The following FAR2 variants were observed in gnomAD, a reference collection of about 807,000 sequenced individuals.
The protein encoded by FAR2 is epididymis secretory protein Li 81.
FAR2 carries 19 observed loss-of-function variants against 56.0 expected under a neutral mutation model. The ratio of observed to expected loss-of-function variants is 0.34; its 90% CI spans 0.24 to 0.50. The LOEUF is 0.50. FAR2 is among the 20% of genes least tolerant of loss of function. The pLI, the probability that FAR2 is intolerant of heterozygous loss-of-function variation, is 0.98. For synonymous variants in FAR2, 219 were observed against 218.8 expected, an observed-to-expected ratio of 1.00 and a Z score of -0.01; for missense variants, 508 against 642.2, an observed-to-expected ratio of 0.79 and a Z score of 2.26.
intron 11 of FAR2, 78 bp downstream of exon 11, chr12:29,332,805 G>T: frequency 7.4e-7 from 1 of 1,348,960 alleles, no homozygotes; most frequent in Non-Finnish European, 1.0e-6. Flanking sequence ...CATTTGTGCA[G>T]AGGAGAATGA....
At chr12:29,296,340 T>C (rs1298297110) in intron 3 of FAR2, among the ~76,000 whole-genome samples, 1 of 152,226 alleles carries the variant, frequency 6.6e-6, no homozygotes, top group Non-Finnish European at 1.5e-5. Context: ...TCACCAGTTC[T>C]AGTGAATTTG....
chr12:29,283,699 A>T (rs75554254), intron 2 of FAR2, among the ~76,000 whole-genome samples: 1,644 of 152,282 alleles, frequency 0.011, 25 homozygotes, highest in African/African-American at 0.038. Context: ...CTGCTAGGTA[A>T]ATTTCGCACA....
At chr12:29,190,185 G>A (rs898844580) in intron 1 of FAR2, among the ~76,000 whole-genome samples, 4 of 152,096 alleles carry the variant, frequency 2.6e-5, no homozygotes, top group Admixed American at 1.3e-4. Flanking sequence ...TCAAATGAGC[G>A]GGCACACCTA....
At chr12:29,232,389 T>G (rs1024403487) in intron 1 of FAR2, among the ~76,000 whole-genome samples, 1 of 152,170 alleles carries the variant, frequency 6.6e-6, no homozygotes, top group Middle Eastern at 3.2e-3. Context: ...TTCATGTTCT[T>G]TTTTAATTTT....
chr12:29,156,030 C>T (rs549550363), intron 1 of FAR2, among the ~76,000 whole-genome samples: 55 of 151,904 alleles, frequency 3.6e-4, no homozygotes, highest in African/African-American at 1.3e-3. Flanking sequence ...ATATTGAACT[C>T]ATAAATAAAA....
rs138449969 is a variant in FAR2 at position 29,195,117 on chromosome 12, T to C, written c.-39+45710T>C. 1.4e-3 allele frequency among the ~76,000 whole-genome samples: 220 copies of C among 152,358 alleles called. 1 individual carries two copies. In the South Asian group the frequency reaches 0.021, roughly 15 times the overall value. On this transcript the variant is annotated intron_variant, in intron 1 of 11. Transcript: ENST00000536681. ...AATTCTTGCTATTTACTTCTGTTTA[T>C]ACATTTTTCTTCAAAACATTATTTG...
intron 1 of FAR2, among the ~76,000 whole-genome samples, chr12:29,201,008 G>T (rs1230367163): frequency 6.6e-6 from 1 of 152,078 alleles, no homozygotes; most frequent in Non-Finnish European, 1.5e-5. Context: ...ACCAGGTCAG[G>T]GGTCTGCAAG....
chr12:29,194,526 C>T (rs1209176059), intron 1 of FAR2, among the ~76,000 whole-genome samples: 1 of 143,604 alleles, frequency 7.0e-6, no homozygotes, highest in East Asian at 2.1e-4. Context: ...TGATGCCACA[C>T]ACACACACAC....
chr12:29,327,838 G>A (rs1217753319), intron 10 of FAR2, among the ~76,000 whole-genome samples: 3 of 152,018 alleles, frequency 2.0e-5, no homozygotes, highest in African/African-American at 7.3e-5. Context: ...CAGGACACAG[G>A]CATGGGGAAG....
intron 1 of FAR2, among the ~76,000 whole-genome samples, chr12:29,192,202 G>C (rs1477556506): frequency 6.6e-6 from 1 of 152,200 alleles, no homozygotes; most frequent in Non-Finnish European, 1.5e-5. Flanking sequence ...GCACACCACA[G>C]TGAATAATTC....
intron 1 of FAR2, among the ~76,000 whole-genome samples, chr12:29,179,342 G>A (rs1031517421): frequency 3.3e-5 from 5 of 152,158 alleles, no homozygotes; most frequent in African/African-American, 1.2e-4. Context: ...ATATGTAGCA[G>A]GCTTCTCCTG....
At chr12:29,156,186 C>T (rs892784900) in intron 1 of FAR2, among the ~76,000 whole-genome samples, 44 of 151,842 alleles carry the variant, frequency 2.9e-4, no homozygotes, top group Admixed American at 2.7e-3. Context: ...TACTGCACAG[C>T]GGAATGACTA....
chr12:29,307,774 A>G lies in FAR2; in HGVS notation c.662A>G (p.Asn221Ser), dbSNP rs1182708670. ...GEMVVQQESR[N>S]LNIAIIRPSI... ...ATGGTGGTGCAGCAAGAGAGCAGGAACCTGAACATTGCCATCATAAGGCCC... is the reference window on the plus strand; with the variant it reads ...ATGGTGGTGCAGCAAGAGAGCAGGAGCCTGAACATTGCCATCATAAGGCCC... Residue 221 changes from asparagine (N) to serine (S), a missense_variant, in exon 5 of 12, where the codon AAC becomes AGC. Physicochemically the swap from Asn to Ser is conservative, Grantham distance 46. Transcript: ENST00000536681. 6.2e-7 allele frequency: 1 copy of G among 1,613,116 alleles called. No individual in the cohort carries two copies. The highest frequency in any genetic ancestry group is 1.7e-5 in the Admixed American group (1 of 59,974).
chr12:29,302,842 T>C (rs1336004094), intron 4 of FAR2, among the ~76,000 whole-genome samples: 1 of 151,980 alleles, frequency 6.6e-6, no homozygotes, highest in African/African-American at 2.4e-5. Context: ...TATGGAAGAC[T>C]AGAATGAGGG....
At chr12:29,305,490 T>C (rs1044596264) in intron 4 of FAR2, among the ~76,000 whole-genome samples, 24 of 152,200 alleles carry the variant, frequency 1.6e-4, no homozygotes, top group African/African-American at 5.3e-4. Flanking sequence ...TGCTCACTGG[T>C]TGTTTTATTA....
At chr12:29,249,321 CA>C (rs1948173940) in intron 1 of FAR2, among the ~76,000 whole-genome samples, 2 of 152,304 alleles carry the variant, frequency 1.3e-5, no homozygotes, top group Admixed American at 1.3e-4. Flanking sequence ...TGACTTCCCG[CA>C]ACAGTTTTTC....
rs184820679 is a variant in FAR2, at chr12:29,245,744, T to C, written c.-38-24668T>C. 8.6e-4 allele frequency among the ~76,000 whole-genome samples: 131 copies of C among 152,282 alleles called. 1 individual carries two copies. Among genetic ancestry groups the C allele is most frequent in the Middle Eastern group, 3.4e-3 (1 of 294 alleles). On this transcript the variant is annotated intron_variant, in intron 1 of 11. Coordinates refer to ENST00000536681, the MANE Select transcript of FAR2 (RefSeq NM_001271783.2). ...GGCATTGGATTTCCATCTTCTGTTGTCATCTATTCTTCTAGCCTGGGATTC... is the reference window on the plus strand; with the variant it reads ...GGCATTGGATTTCCATCTTCTGTTGCCATCTATTCTTCTAGCCTGGGATTC...
At chr12:29,278,113 T>C (rs1948731174) in intron 2 of FAR2, among the ~76,000 whole-genome samples, 2 of 151,818 alleles carry the variant, frequency 1.3e-5, no homozygotes, top group Admixed American at 6.6e-5. Flanking sequence ...CAAATTTTTG[T>C]ACAGATGGGA....
intron 1 of FAR2, among the ~76,000 whole-genome samples, chr12:29,170,961 G>A (rs927795306): frequency 1.3e-5 from 2 of 152,262 alleles, no homozygotes; most frequent in African/African-American, 2.4e-5. Flanking sequence ...GGTTCCCCCA[G>A]AGGTTAGGAA....
Sources: gnomAD v4.1 joint callset for allele counts (sites outside exome capture counted in the v4.1 genomes callset) on GRCh38, gnomAD v4.1.1 for gene constraint, MANE v1.5 for transcripts, NCBI Gene and HGNC (gene_info 2026-07-23, HGNC 2026-07-21) for gene names.